Variants in ROBO1 observed in about 807,000 individuals in gnomAD.
The protein encoded by ROBO1 is roundabout guidance receptor 1, also known as roundabout homolog 1.
A neutral mutation model predicts 195.9 loss-of-function variants in ROBO1; 149 were observed. That is an observed-to-expected ratio of 0.76 (90% CI 0.67 to 0.87). ROBO1 has a LOEUF of 0.87. Ranked by LOEUF, ROBO1 falls within the 40% of genes least tolerant of loss-of-function variation. ROBO1 has a pLI of 0.00. For synonymous variants in ROBO1, 816 were observed against 733.2 expected (o/e 1.11, Z -1.82); for missense variants, 1,933 against 2,068.3 (o/e 0.93, Z 1.27).
chr3:78,823,247 T>C (rs746432815), intron 4 of ROBO1, among the ~76,000 whole-genome samples: 8 of 151,950 alleles, frequency 5.3e-5, no homozygotes, highest in Non-Finnish European at 1.2e-4. Flanking sequence ...TTCATCACAT[T>C]TTCCCATCGT....
intron 10 of ROBO1, among the ~76,000 whole-genome samples, chr3:78,675,211 T>C (rs1413018031): frequency 2.7e-5 from 4 of 150,504 alleles, no homozygotes; most frequent in African/African-American, 9.8e-5. Flanking sequence ...TAGGAACAGC[T>C]CCAGTCTACA....
intron 2 of ROBO1, among the ~76,000 whole-genome samples, chr3:79,410,231 C>G (rs974502379): frequency 6.6e-6 from 1 of 151,922 alleles, no homozygotes; most frequent in Non-Finnish European, 1.5e-5. Flanking sequence ...TGTATTTTCA[C>G]GTAATGGACA....
At chr3:78,916,825 G>T (rs1459600247) in intron 4 of ROBO1, among the ~76,000 whole-genome samples, 1 of 151,996 alleles carries the variant, frequency 6.6e-6, no homozygotes, top group Non-Finnish European at 1.5e-5. Context: ...TGTGAATTCA[G>T]GTATTCTATT....
intron 1 of ROBO1, among the ~76,000 whole-genome samples, chr3:79,746,691 C>A (rs187340510): frequency 3.9e-4 from 59 of 151,964 alleles, no homozygotes; most frequent in Admixed American, 3.8e-3. Flanking sequence ...GATTTTAGTC[C>A]TAATATTTTA....
chr3:78,679,943 T>G (rs1400263083), intron 10 of ROBO1, among the ~76,000 whole-genome samples: 1 of 152,088 alleles, frequency 6.6e-6, no homozygotes, highest in African/African-American at 2.4e-5. Flanking sequence ...ACTACAAGGC[T>G]ACAGTAACCA....
At chr3:78,899,553 G>T (rs1178990934) in intron 4 of ROBO1, among the ~76,000 whole-genome samples, 15 of 152,060 alleles carry the variant, frequency 9.9e-5, no homozygotes, top group Admixed American at 9.8e-4. Flanking sequence ...AATGTTTGCT[G>T]TTCAATCAAA....
At chr3:79,159,279 T>C (rs1484253027) in intron 2 of ROBO1, among the ~76,000 whole-genome samples, 2 of 151,988 alleles carry the variant, frequency 1.3e-5, no homozygotes, top group African/African-American at 4.8e-5. Context: ...TACTATAATA[T>C]CAATTTTATT....
chr3:78,788,199 T>C (rs1376507462), intron 4 of ROBO1, among the ~76,000 whole-genome samples: 1 of 151,438 alleles, frequency 6.6e-6, no homozygotes, highest in African/African-American at 2.4e-5. Flanking sequence ...CACTGCAAGC[T>C]CCGCCTCCTG....
intron 1 of ROBO1, among the ~76,000 whole-genome samples, chr3:79,754,602 T>A (rs2107491906): frequency 6.6e-6 from 1 of 152,298 alleles, no homozygotes; most frequent in African/African-American, 2.4e-5. Context: ...ACTCTATCAT[T>A]CTTTCTCCTC....
At chr3:78,930,454 G>A (rs923120674) in intron 4 of ROBO1, among the ~76,000 whole-genome samples, 1 of 152,120 alleles carries the variant, frequency 6.6e-6, no homozygotes, top group Non-Finnish European at 1.5e-5. Context: ...GAGAGTGACA[G>A]GTGGACTTGG....
intron 4 of ROBO1, among the ~76,000 whole-genome samples, chr3:78,834,918 G>A (rs2032570892): frequency 6.6e-6 from 1 of 152,042 alleles, no homozygotes; most frequent in Non-Finnish European, 1.5e-5. Context: ...TTTCTACAAT[G>A]TAAACTTTTG....
At chr3:78,709,809 TAAAAAATTAGAA>T (rs1020014834) in intron 8 of ROBO1, among the ~76,000 whole-genome samples, 39 of 152,148 alleles carry the variant, frequency 2.6e-4, no homozygotes, top group African/African-American at 9.4e-4. Context: ...ACTGAGAATC[TAAAAAATTAGAA>T]AACAGTCACT....
intron 10 of ROBO1, among the ~76,000 whole-genome samples, chr3:78,684,204 G>T (rs145986235): frequency 6.6e-6 from 1 of 152,064 alleles, no homozygotes; most frequent in African/African-American, 2.4e-5. Context: ...CTATTTATGA[G>T]ATGGAATACT....
intron 1 of ROBO1, among the ~76,000 whole-genome samples, chr3:79,639,600 G>A (rs995237375): frequency 1.3e-5 from 2 of 152,102 alleles, no homozygotes; most frequent in Admixed American, 6.5e-5. Context: ...TGCTGCAAGA[G>A]CACTAATTTT....
intron 4 of ROBO1, among the ~76,000 whole-genome samples, chr3:78,750,489 ATAAATAAAT>A (rs2082764374): frequency 6.7e-6 from 1 of 148,854 alleles, no homozygotes. Context: ...AAATAAATAA[ATAAATAAAT>A]AAAATAAAAT....
chr3:79,062,571 C>G lies in ROBO1; in HGVS notation c.172+62885G>C, dbSNP rs150966944. 9.2e-5 allele frequency among the ~76,000 whole-genome samples: 14 copies of G among 152,214 alleles called. No homozygotes were observed. The East Asian group carries it at 2.7e-3, about 29-fold the overall frequency. On this transcript the variant is annotated intron_variant, in intron 3 of 30. Coordinates refer to ENST00000464233, the MANE Select transcript of ROBO1 (RefSeq NM_002941.4). ...CACATATGTTTATTGCGGCATTATTCACAATAGGAAAGTCTTGGAACCAAC... is the reference window on the plus strand; with the variant it reads ...CACATATGTTTATTGCGGCATTATTGACAATAGGAAAGTCTTGGAACCAAC...
At chr3:79,586,947 T>C (rs1943848522) in intron 2 of ROBO1, among the ~76,000 whole-genome samples, 1 of 151,878 alleles carries the variant, frequency 6.6e-6, no homozygotes, top group Non-Finnish European at 1.5e-5. Flanking sequence ...ATGAAAAACA[T>C]CTACCAGTGG....
chr3:78,952,917 G>T (rs2040862375), intron 3 of ROBO1, among the ~76,000 whole-genome samples: 1 of 152,026 alleles, frequency 6.6e-6, no homozygotes. Context: ...ATAATTAACT[G>T]AGTGCCATTG....
intron 1 of ROBO1, among the ~76,000 whole-genome samples, chr3:79,733,187 A>G (rs575992848): frequency 6.6e-6 from 1 of 152,172 alleles, no homozygotes; most frequent in South Asian, 2.1e-4. Context: ...ACCATCACTC[A>G]TTTTTTCATC....
Sources: allele counts gnomAD v4.1 joint callset (sites outside exome capture counted in the v4.1 genomes callset), GRCh38; gene constraint gnomAD v4.1.1; transcripts MANE v1.5; gene names NCBI Gene and HGNC (gene_info 2026-07-23, HGNC 2026-07-21).